AKAP6: variants seen among roughly 807,000 people sequenced by gnomAD.
AKAP6 encodes the protein A-kinase anchor protein 6.
In AKAP6, 58 loss-of-function variants were observed where a neutral mutation model predicts 188.5. The observed-to-expected ratio is 0.31, with a 90% CI of 0.25 to 0.38. The LOEUF (loss-of-function observed/expected upper bound fraction) is 0.38, where lower values mean the gene tolerates loss of function less well. AKAP6 is among the 10% of genes least tolerant of loss of function. The probability of loss-of-function intolerance (pLI) is 1.00; values close to 1 mark genes in which losing one functional copy is unlikely to be tolerated. For synonymous variants in AKAP6, 989 were observed against 998.6 expected, an observed-to-expected ratio of 0.99 and a Z score of 0.18; for missense variants, 2,710 against 2,740.0, an observed-to-expected ratio of 0.99 and a Z score of 0.24.
At chr14:32,703,332 G>A (rs1011704501) in intron 9 of AKAP6, among the ~76,000 whole-genome samples, 7 of 152,062 alleles carry the variant, frequency 4.6e-5, no homozygotes, top group African/African-American at 1.7e-4. Context: ...CACGTAAAAC[G>A]CTTACTTAGA....
intron 3 of AKAP6, among the ~76,000 whole-genome samples, chr14:32,541,395 C>T (rs912677196): frequency 6.6e-6 from 1 of 151,824 alleles, no homozygotes; most frequent in Admixed American, 6.6e-5. Flanking sequence ...CAGTTATTCT[C>T]GAGCAAGACA....
In AKAP6 at chr14:32,411,889, G is replaced by A. The variant is rs182852621; in HGVS notation, c.-34-21571G>A. On this transcript the variant is annotated intron_variant, in intron 1 of 13. Coordinates refer to ENST00000280979, the MANE Select transcript of AKAP6 (RefSeq NM_004274.5). ...ATTTGATCTTCTGTCTTTACCAGAA[G>A]TAGAAAATTAGTTTTTCTTCTCTAA... Among the ~76,000 whole-genome samples the A allele has an allele frequency of 8.0e-4, 120 of 150,614 alleles. 1 individual carries two copies. The highest frequency in any genetic ancestry group is 2.3e-3 in the African/African-American group (95 of 40,998).
At chr14:32,564,199 T>G (rs1315063882) in intron 4 of AKAP6, among the ~76,000 whole-genome samples, 1 of 152,188 alleles carries the variant, frequency 6.6e-6, no homozygotes, top group Non-Finnish European at 1.5e-5. Context: ...TCTATACATG[T>G]TTAGTACAGA....
intron 2 of AKAP6, among the ~76,000 whole-genome samples, chr14:32,509,900 C>T (rs914803227): frequency 6.6e-6 from 1 of 152,180 alleles, no homozygotes; most frequent in Non-Finnish European, 1.5e-5. Flanking sequence ...TTACTTGACG[C>T]TCCTTCATTC....
At chr14:32,690,048 A>G (rs999475327) in intron 8 of AKAP6, among the ~76,000 whole-genome samples, 1 of 150,074 alleles carries the variant, frequency 6.7e-6, no homozygotes, top group African/African-American at 2.5e-5. Context: ...TTAAGCATAC[A>G]AAAGATGTAT....
At chr14:32,587,795 A>T (rs565750274) in intron 5 of AKAP6, among the ~76,000 whole-genome samples, 1 of 152,324 alleles carries the variant, frequency 6.6e-6, no homozygotes, top group South Asian at 2.1e-4. Context: ...GTAGTAAAGG[A>T]TGCAGAAATT....
chr14:32,344,484 GTCAGGGTT>G (rs994186304), intron 1 of AKAP6, among the ~76,000 whole-genome samples: 1 of 152,196 alleles, frequency 6.6e-6, no homozygotes, highest in Admixed American at 6.5e-5. Context: ...AGTTAATTCA[GTCAGGGTT>G]CAGGGTCTAA....
intron 12 of AKAP6, among the ~76,000 whole-genome samples, chr14:32,803,146 AT>A (rs1202435342): frequency 6.6e-6 from 1 of 152,080 alleles, no homozygotes; most frequent in East Asian, 1.9e-4. Context: ...TATTTTATGA[AT>A]TAAGAAATAT....
At chr14:32,562,502 A>C (rs1883998262) in intron 4 of AKAP6, among the ~76,000 whole-genome samples, 1 of 152,214 alleles carries the variant, frequency 6.6e-6, no homozygotes, top group Non-Finnish European at 1.5e-5. Context: ...TCACACCTGT[A>C]ATCTCAGCAC....
At chr14:32,431,104 C>CAA (rs201302087) in intron 1 of AKAP6, among the ~76,000 whole-genome samples, 146 of 142,754 alleles carry the variant, frequency 1.0e-3, no homozygotes, top group Admixed American at 1.7e-3. Context: ...GACTCCATCT[C>CAA]AAAAAAAAAA....
At chr14:32,763,666 A>G (rs1371158569) in intron 11 of AKAP6, among the ~76,000 whole-genome samples, 3 of 152,154 alleles carry the variant, frequency 2.0e-5, no homozygotes, top group Non-Finnish European at 2.9e-5. Flanking sequence ...TTGAGAGCAA[A>G]TGATTGCATG....
At chr14:32,755,989 G>A (rs1378719671) in intron 11 of AKAP6, among the ~76,000 whole-genome samples, 1 of 152,238 alleles carries the variant, frequency 6.6e-6, no homozygotes, top group Admixed American at 6.5e-5. Flanking sequence ...CTTCATCAGG[G>A]AAAACTCTTC....
chr14:32,466,827 T>TTA (rs776142584), intron 2 of AKAP6, among the ~76,000 whole-genome samples: 1,221 of 115,052 alleles, frequency 0.011, 43 homozygotes, highest in African/African-American at 0.021. Context: ...AAAAACAAGA[T>TTA]TATATATATA....
At chr14:32,815,658 C>T (rs1481287359) in intron 12 of AKAP6, among the ~76,000 whole-genome samples, 5 of 152,166 alleles carry the variant, frequency 3.3e-5, no homozygotes, top group African/African-American at 1.2e-4. Flanking sequence ...AGAGATTAGT[C>T]AACCAACCTC....
At chr14:32,482,609 T>C (rs1257934381) in intron 2 of AKAP6, among the ~76,000 whole-genome samples, 1 of 152,232 alleles carries the variant, frequency 6.6e-6, no homozygotes, top group Non-Finnish European at 1.5e-5. Context: ...TGTTTTGTTC[T>C]CTGCTGTATT....
Position 32,388,085 on chromosome 14 carries a change from T to G in AKAP6, c.-34-45375T>G, listed in dbSNP as rs181158629. ...TGATTTAAGCTAGGAGGGTTGTAGCTTTCCAGGAATTTATCCATCTCTTCT... is the reference window on the plus strand; with the variant it reads ...TGATTTAAGCTAGGAGGGTTGTAGCGTTCCAGGAATTTATCCATCTCTTCT... On this transcript the variant is annotated intron_variant, in intron 1 of 13. Transcript: ENST00000280979. Among the ~76,000 whole-genome samples, 35 of 152,220 alleles carry G rather than the reference T, an allele frequency of 2.3e-4. No homozygotes were observed. In the East Asian group the frequency reaches 6.2e-3, roughly 27 times the overall value.
At chr14:32,552,776 A>G (rs1007605030) in intron 4 of AKAP6, among the ~76,000 whole-genome samples, 1 of 152,230 alleles carries the variant, frequency 6.6e-6, no homozygotes, top group African/African-American at 2.4e-5. Flanking sequence ...GTGGCAAGAG[A>G]GATTGAAGTA....
In AKAP6 at chr14:32,744,462, A is replaced by G. The variant is rs181349362; in HGVS notation, c.3372+8580A>G. Among the ~76,000 whole-genome samples the G allele has an allele frequency of 9.0e-3, 1,372 of 151,622 alleles. 16 individuals are homozygous for G. Among genetic ancestry groups the G allele is most frequent in the African/African-American group, 0.032 (1,305 of 41,340 alleles). On this transcript the variant is annotated intron_variant, in intron 11 of 13. Coordinates refer to ENST00000280979, the MANE Select transcript of AKAP6 (RefSeq NM_004274.5). ...CTCATGAGTAGCTGGGACTACAGGC[A>G]CCCGCCACCACACCCAGCCAATTCT...
At chr14:32,506,488 C>T (rs1271936666) in intron 2 of AKAP6, among the ~76,000 whole-genome samples, 2 of 152,106 alleles carry the variant, frequency 1.3e-5, no homozygotes, top group Admixed American at 6.6e-5. Flanking sequence ...CATAGTAGAG[C>T]ATTTGCTACT....
Sources: allele counts gnomAD v4.1 joint callset (sites outside exome capture counted in the v4.1 genomes callset), GRCh38; gene constraint gnomAD v4.1.1; transcripts MANE v1.5; gene names NCBI Gene and HGNC (gene_info 2026-07-23, HGNC 2026-07-21).